Variants in VPS26A observed in about 807,000 individuals in gnomAD.
VPS26A encodes the protein VPS26 retromer complex component A, also known as vacuolar protein sorting-associated protein 26A.
Under a neutral mutation model 42.4 loss-of-function variants are expected in VPS26A, and 22 were observed. The ratio of observed to expected loss-of-function variants is 0.52; its 90% CI spans 0.37 to 0.74. The LOEUF is 0.74. Ranked by LOEUF, VPS26A falls within the 30% of genes least tolerant of loss-of-function variation. The probability of loss-of-function intolerance (pLI) is 0.00; values close to 1 mark genes in which losing one functional copy is unlikely to be tolerated. For missense variants in VPS26A, 276 were observed against 379.2 expected (o/e 0.73, Z 2.26); for synonymous variants, 110 against 123.5 (o/e 0.89, Z 0.73).
chr10:69,149,770 G>A (rs1448181852), intron 2 of VPS26A, among the ~76,000 whole-genome samples: 1 of 103,158 alleles, frequency 9.7e-6, no homozygotes, highest in Non-Finnish European at 1.7e-5. Flanking sequence ...TTTTTGAGAT[G>A]GAGTCTTCGT....
Position 69,124,254 on chromosome 10 carries a change from G to T in VPS26A, c.-24G>T. On this transcript the variant is annotated 5_prime_UTR_variant, in exon 1 of 9. Transcript: ENST00000263559. ...CCTGAGGGAAGAGGAGTGGAGTAGGGGGGACGCGGCGGCGGCGTTGACAAT... is the reference window on the plus strand; with the variant it reads ...CCTGAGGGAAGAGGAGTGGAGTAGGTGGGACGCGGCGGCGGCGTTGACAAT... 1 of 1,285,688 alleles carries T rather than the reference G, an allele frequency of 7.8e-7. No individual in the cohort carries two copies. The highest frequency in any genetic ancestry group is 9.9e-7 in the Non-Finnish European group (1 of 1,011,202). The allele number at this position is 1,285,688 out of a possible 1,614,324, so 79.6% of individuals were successfully genotyped here. A position where few individuals can be genotyped will look rare whatever the true frequency, so the allele number is the denominator to read the frequency against.
Position 69,133,567 on chromosome 10 carries a change from G to A in VPS26A, c.153+520G>A, listed in dbSNP as rs185416307. On this transcript the variant is annotated intron_variant, in intron 2 of 8. Transcript: ENST00000263559. The stretch of plus-strand genomic sequence containing the variant: ...GAGGACTTGAGTACTTTTGGGATGT[G>A]TCTATGCATGGTCAGATATGTTTAT... The A allele has an allele frequency of 6.2e-6, 8 of 1,289,640 alleles. No homozygotes were observed. The East Asian group carries it at 3.9e-4, about 63-fold the overall frequency. The allele number at this position is 1,289,640 out of a possible 1,614,324, so 79.9% of individuals were successfully genotyped here.
intron 1 of VPS26A, among the ~76,000 whole-genome samples, chr10:69,127,846 A>G (rs1183613830): frequency 1.4e-5 from 2 of 145,736 alleles, no homozygotes; most frequent in African/African-American, 5.1e-5. Context: ...GCAGGCACAC[A>G]CCACTATGCT....
At chr10:69,166,258 CAA>C in intron 7 of VPS26A, 148 bp downstream of exon 7, 1 of 696,602 alleles carries the variant, frequency 1.4e-6, no homozygotes. Flanking sequence ...TGTACAGCTG[CAA>C]AGAAGACTGT....
intron 1 of VPS26A, among the ~76,000 whole-genome samples, chr10:69,131,214 A>C (rs1840770896): frequency 6.6e-6 from 1 of 152,116 alleles, no homozygotes; most frequent in Non-Finnish European, 1.5e-5. Flanking sequence ...TGCTGACCTC[A>C]AGTGATCTGC....
chr10:69,158,861 C>G (rs1589361416), intron 5 of VPS26A, among the ~76,000 whole-genome samples: 1 of 152,000 alleles, frequency 6.6e-6, no homozygotes, highest in Admixed American at 6.6e-5. Context: ...TTTAATTTAA[C>G]CCATAAAATT....
At chr10:69,160,460 T>C in intron 5 of VPS26A, among the ~76,000 whole-genome samples, 1 of 140,412 alleles carries the variant, frequency 7.1e-6, no homozygotes, top group South Asian at 2.2e-4. Flanking sequence ...GCCCAACATA[T>C]TTTTTTTTTT....
rs1377503062 is a variant in VPS26A at position 69,172,298 on chromosome 10, T to TA, written c.*1031dup. The stretch of plus-strand genomic sequence containing the variant: ...CATATTGAAACTTCATCTAGTCTCT[T>TA]AATTTTTTAACACTAAATTCAAGTC... On this transcript the variant is annotated 3_prime_UTR_variant, in exon 9 of 9. Transcript: ENST00000263559. The TA allele has an allele frequency of 6.6e-6, 1 of 152,202 alleles. No homozygotes were observed. The highest frequency in any genetic ancestry group is 2.4e-5 in the African/African-American group (1 of 41,462). 9.4% of individuals were successfully genotyped at this position (152,202 alleles called of 1,614,324 possible).
At chr10:69,154,523 C>G (rs968503036) in intron 2 of VPS26A, among the ~76,000 whole-genome samples, 3 of 151,668 alleles carry the variant, frequency 2.0e-5, no homozygotes, top group African/African-American at 7.3e-5. Flanking sequence ...GCAACAAGAG[C>G]GAAACTCCGT....
intron 2 of VPS26A, among the ~76,000 whole-genome samples, chr10:69,146,123 C>G (rs993319049): frequency 6.6e-6 from 1 of 152,136 alleles, no homozygotes; most frequent in African/African-American, 2.4e-5. Flanking sequence ...GAGATGGAGT[C>G]TCGCTCTGTC....
chr10:69,132,847 T>TCAGTCA, intron 1 of VPS26A, 51 bp from the exon 2 acceptor site: 2 of 1,510,594 alleles, frequency 1.3e-6, no homozygotes, highest in Non-Finnish European at 1.8e-6. Context: ...AATTATAAAA[T>TCAGTCA]GTAGTGACTG....
intron 5 of VPS26A, chr10:69,161,438 G>C (rs1448259003): frequency 6.2e-6 from 1 of 160,096 alleles, no homozygotes; most frequent in African/African-American, 2.4e-5. Context: ...ATAGTGAAAT[G>C]ATGAATACTT....
intron 8 of VPS26A, chr10:69,170,146 T>C (rs1385302777): frequency 1.3e-5 from 2 of 152,206 alleles, no homozygotes; most frequent in Non-Finnish European, 2.9e-5. Context: ...AAACATGATC[T>C]GTCCTCCATG....
At chr10:69,135,166 G>A (rs983381483) in intron 2 of VPS26A, among the ~76,000 whole-genome samples, 6 of 152,138 alleles carry the variant, frequency 3.9e-5, no homozygotes, top group African/African-American at 1.4e-4. Flanking sequence ...CTACTAATTT[G>A]TAAGCTCCTT....
intron 5 of VPS26A, among the ~76,000 whole-genome samples, chr10:69,158,920 C>T (rs7909631): frequency 0.76 from 115,207 of 152,068 alleles, 45,744 homozygotes; most frequent in Non-Finnish European, 0.89. Flanking sequence ...TGCTTCGATA[C>T]AATCTGTGGG....
At chr10:69,124,990 C>G (rs1840619262) in intron 1 of VPS26A, among the ~76,000 whole-genome samples, 1 of 152,210 alleles carries the variant, frequency 6.6e-6, no homozygotes, top group African/African-American at 2.4e-5. Flanking sequence ...GGAGGGGAAT[C>G]AGTGCTCTCA....
At chr10:69,151,300 A>G (rs1189118019) in intron 2 of VPS26A, among the ~76,000 whole-genome samples, 4 of 146,864 alleles carry the variant, frequency 2.7e-5, no homozygotes, top group Admixed American at 1.3e-4. Flanking sequence ...CACACACACA[A>G]TTAGCCGGGT....
At chr10:69,166,528 C>A (rs1236527252) in intron 7 of VPS26A, among the ~76,000 whole-genome samples, 1 of 152,136 alleles carries the variant, frequency 6.6e-6, no homozygotes, top group African/African-American at 2.4e-5. Flanking sequence ...GATTAATCTT[C>A]AGTATCTGAG....
intron 7 of VPS26A, 89 bp downstream of exon 7, chr10:69,166,199 C>T (rs1841684122): frequency 1.7e-6 from 2 of 1,200,078 alleles, no homozygotes; most frequent in African/African-American, 1.5e-5. Flanking sequence ...GTGAAAGTAT[C>T]TTTGAATTCT....
Sources: allele counts gnomAD v4.1 joint callset (sites outside exome capture counted in the v4.1 genomes callset), GRCh38; gene constraint gnomAD v4.1.1; transcripts MANE v1.5; gene names NCBI Gene and HGNC (gene_info 2026-07-23, HGNC 2026-07-21).